Variants in TTC5 observed in about 807,000 individuals in gnomAD.
TTC5 encodes tetratricopeptide repeat protein 5.
Under a neutral mutation model 57.4 loss-of-function variants are expected in TTC5, and 46 were observed. That is an observed-to-expected ratio of 0.80 (90% CI 0.63 to 1.03). The LOEUF (loss-of-function observed/expected upper bound fraction) is 1.03. Ranked by LOEUF, TTC5 falls within the 50% of genes least tolerant of loss-of-function variation. TTC5 has a pLI of 0.00. For synonymous variants in TTC5, 190 were observed against 203.5 expected (o/e 0.93, Z 0.57); for missense variants, 504 against 528.1 (o/e 0.95, Z 0.45).
At chr14:20,303,572 A>C (rs1882233997) in intron 1 of TTC5, among the ~76,000 whole-genome samples, 2 of 152,328 alleles carry the variant, frequency 1.3e-5, no homozygotes, top group Admixed American at 6.5e-5. Context: ...GGATTACATC[A>C]GCTTCATTAC....
In TTC5 at chr14:20,300,679, C is replaced by G; in HGVS notation, c.324G>C (p.Gln108His). 6.2e-7 allele frequency: 1 copy of G among 1,614,184 alleles called. No homozygotes were observed. The highest frequency in any genetic ancestry group is 8.5e-7 in the Non-Finnish European group (1 of 1,180,038). ...LEPELVEAWN[Q>H]LGEVYWKKGD... ...CTTTTTTCCAGTACACCTCACCCAGCTGGTTCCAGGCTTCCACCAGCTCGG... is the reference window on the plus strand; with the variant it reads ...CTTTTTTCCAGTACACCTCACCCAGGTGGTTCCAGGCTTCCACCAGCTCGG... The change falls in exon 3 of 10, where the codon CAG (glutamine) becomes CAC (histidine). Residue 108 changes from glutamine to histidine, a missense_variant. Coordinates refer to ENST00000258821, the MANE Select transcript of TTC5 (RefSeq NM_138376.3).
At position 20,300,690 on chromosome 14, in the gene TTC5, C is replaced by T; in HGVS notation, c.313G>A (p.Ala105Thr). 1 of 1,614,188 alleles carries T rather than the reference C, an allele frequency of 6.2e-7. No individual in the cohort carries two copies. Among genetic ancestry groups the T allele is most frequent in the East Asian group, 2.2e-5 (1 of 44,884 alleles). The change falls in exon 3 of 10, where the codon GCC (alanine) becomes ACC (threonine). Residue 105 changes from alanine (A) to threonine (T), a missense_variant. Transcript: ENST00000258821. ...AVKLEPELVE[A>T]WNQLGEVYWK... The stretch of plus-strand genomic sequence containing the variant: ...TACACCTCACCCAGCTGGTTCCAGG[C>T]TTCCACCAGCTCGGGCTCCAGCTTC...
At position 20,300,623 on chromosome 14, in the gene TTC5, G is replaced by T; in HGVS notation, c.380C>A (p.Ser127Ter). 3.7e-6 allele frequency: 6 copies of T among 1,612,466 alleles called. No individual in the cohort carries two copies. The highest frequency in any genetic ancestry group is 5.1e-6 in the Non-Finnish European group (6 of 1,179,872). The change falls in exon 3 of 10, where the codon TCA (serine) becomes TAA (stop). Residue 127 changes from serine (S) to a stop codon, truncating the protein, a stop_gained. Transcript: ENST00000258821. LOFTEE classifies it high-confidence loss of function. ...GCAGCTCACATGGGTGAGGGCTCCT[G>T]AGAAGCAGGTGTGGGCAGCTGCAAC... is the stretch of plus-strand genomic sequence containing the variant. The part of the protein sequence containing the change: ...GDVAAAHTCF[S>*]GALTHCRNKV...
chr14:20,295,412 C>T lies in TTC5; in HGVS notation c.958G>A (p.Glu320Lys). ...QSASGQKVTLELKPLSTLQPG... is the reference protein window; with the variant it reads ...QSASGQKVTLKLKPLSTLQPG... ...TGAAGCGTACTCAGTGGCTTGAGCT[C>T]CAGGGTCACTTTCTGCCCAGAGGCT... is the stretch of plus-strand genomic sequence containing the variant. Residue 320 changes from glutamate (E) to lysine (K), a missense_variant, in exon 8 of 10, where the codon GAG becomes AAG. Transcript: ENST00000258821. 2 of 1,614,176 alleles carry T rather than the reference C, an allele frequency of 1.2e-6. No individual in the cohort carries two copies.
chr14:20,302,425 T>A (rs1403277187), intron 1 of TTC5, among the ~76,000 whole-genome samples: 3 of 152,208 alleles, frequency 2.0e-5, no homozygotes, highest in Non-Finnish European at 4.4e-5. Context: ...TATGCTGAGA[T>A]CTGAAAATAC....
intron 2 of TTC5, among the ~76,000 whole-genome samples, chr14:20,301,031 T>C (rs935302210): frequency 5.3e-5 from 8 of 152,250 alleles, no homozygotes; most frequent in African/African-American, 1.7e-4. Context: ...TTCTGCCATC[T>C]GTTTCTTGGG....
chr14:20,300,005 A>AT (rs1882149343), intron 3 of TTC5, among the ~76,000 whole-genome samples: 2 of 147,832 alleles, frequency 1.4e-5, no homozygotes, highest in African/African-American at 5.0e-5. Flanking sequence ...TGCCCATCTA[A>AT]TTTTTGTATT....
intron 3 of TTC5, 45 bp from the exon 4 acceptor site, chr14:20,299,493 C>G (rs1351137925): frequency 6.3e-7 from 1 of 1,592,020 alleles, no homozygotes; most frequent in African/African-American, 1.3e-5. Context: ...GATTCTACCT[C>G]CCCTTTCCAG....
rs960687098 is a variant in TTC5, at chr14:20,288,094, C to T, written c.*1533G>A. The T allele has an allele frequency of 2.6e-5, 4 of 152,076 alleles. No homozygotes were observed. Among genetic ancestry groups the T allele is most frequent in the African/African-American group, 9.7e-5 (4 of 41,406 alleles). 9.4% of individuals were successfully genotyped at this position (152,076 alleles called of 1,614,324 possible). A position where few individuals can be genotyped will look rare whatever the true frequency, so the allele number is the denominator to read the frequency against. On this transcript the variant is annotated 3_prime_UTR_variant, in exon 10 of 10. Transcript: ENST00000258821. Reference sequence around the variant, plus strand: ...ATTCATATATGATGTTGAAGCTATACCTGAGAATGTAAGCCTTTTTGGACC... The same window carrying T: ...ATTCATATATGATGTTGAAGCTATATCTGAGAATGTAAGCCTTTTTGGACC...
In TTC5 at chr14:20,295,864, A is replaced by C. The variant is rs755051386; in HGVS notation, c.697-10T>G. ...CTTCATATTTATGCAACTGTACAAG[A>C]AGTGTATCCCAATTATAAGTATATC... On this transcript the variant is annotated splice_polypyrimidine_tract_variant and intron_variant, in intron 6 of 9. Transcript: ENST00000258821. 1.9e-6 allele frequency: 3 copies of C among 1,568,254 alleles called. No homozygotes were observed. The African/African-American group carries it at 4.1e-5, about 22-fold the overall frequency.
At position 20,288,202 on chromosome 14, in the gene TTC5, TAGAC is replaced by T. The variant is rs1427996347; in HGVS notation, c.*1421_*1424del. On this transcript the variant is annotated 3_prime_UTR_variant, in exon 10 of 10. Transcript: ENST00000258821. ...AGAGACAGATAGATAGATAGATAGA[TAGAC>T]AGATAGATAGATAAAACTTCTCTCA... 7.2e-6 allele frequency: 1 copy of T among 139,056 alleles called. No homozygotes were observed. The highest frequency in any genetic ancestry group is 1.6e-5 in the Non-Finnish European group (1 of 62,144). The allele number at this position is 139,056 out of a possible 1,614,324, so 8.6% of individuals were successfully genotyped here. A position where few individuals can be genotyped will look rare whatever the true frequency, so the allele number is the denominator to read the frequency against.
chr14:20,302,971 G>C (rs915272120), intron 1 of TTC5, among the ~76,000 whole-genome samples: 5 of 152,048 alleles, frequency 3.3e-5, no homozygotes, highest in African/African-American at 1.2e-4. Flanking sequence ...GTCCAAGGCA[G>C]ACGGATCATG....
intron 8 of TTC5, chr14:20,293,266 T>C (rs905309426): frequency 1.3e-5 from 2 of 152,206 alleles, no homozygotes; most frequent in Non-Finnish European, 2.9e-5. Flanking sequence ...CTCTTTCAAC[T>C]TAGCTATATG....
chr14:20,294,930 G>C (rs1458090875), intron 8 of TTC5: 1 of 215,346 alleles, frequency 4.6e-6, no homozygotes, highest in African/African-American at 2.2e-5. Flanking sequence ...TCAGAACTAA[G>C]TATACCTAAG....
intron 3 of TTC5, 124 bp from the exon 4 acceptor site, chr14:20,299,572 G>T: frequency 1.8e-6 from 2 of 1,104,718 alleles, no homozygotes; most frequent in East Asian, 2.5e-5. Context: ...TGTTTTGTTT[G>T]AGGTGGAGTC....
chr14:20,293,583 T>C (rs556526681), intron 8 of TTC5: 82 of 152,312 alleles, frequency 5.4e-4, no homozygotes, highest in African/African-American at 1.8e-3. Flanking sequence ...GAAGTAGCAA[T>C]GGTCAGATTT....
chr14:20,296,668 A>G (rs1365261147), intron 5 of TTC5, among the ~76,000 whole-genome samples: 2 of 152,238 alleles, frequency 1.3e-5, no homozygotes, highest in African/African-American at 4.8e-5. Flanking sequence ...TCAAAATATT[A>G]TTATAATTTA....
intron 9 of TTC5, among the ~76,000 whole-genome samples, chr14:20,291,613 A>G (rs1275564601): frequency 6.6e-6 from 1 of 152,208 alleles, no homozygotes; most frequent in African/African-American, 2.4e-5. Flanking sequence ...ATGTAAAAAC[A>G]TAGGAAACAT....
chr14:20,290,841 T>C (rs2138804211), intron 9 of TTC5, among the ~76,000 whole-genome samples: 1 of 152,312 alleles, frequency 6.6e-6, no homozygotes, highest in African/African-American at 2.4e-5. Flanking sequence ...TATTTTAGGC[T>C]TTGTAGGTCA....
Sources: gnomAD v4.1 joint callset for allele counts (sites outside exome capture counted in the v4.1 genomes callset) on GRCh38, gnomAD v4.1.1 for gene constraint, MANE v1.5 for transcripts, NCBI Gene and HGNC (gene_info 2026-07-23, HGNC 2026-07-21) for gene names.